NUCB1: variants seen among roughly 807,000 people sequenced by gnomAD.
NUCB1 encodes nucleobindin-1.
In NUCB1, 47 loss-of-function variants were observed where a neutral mutation model predicts 61.2. The ratio of observed to expected loss-of-function variants is 0.77; its 90% CI spans 0.61 to 0.98. The LOEUF is 0.98. Ranked by LOEUF, NUCB1 falls within the 50% of genes least tolerant of loss-of-function variation. NUCB1 has a pLI of 0.00. For missense variants in NUCB1, 583 were observed against 605.3 expected, an observed-to-expected ratio of 0.96 and a Z score of 0.39; for synonymous variants, 234 against 243.1, an observed-to-expected ratio of 0.96 and a Z score of 0.35.
intron 10 of NUCB1, among the ~76,000 whole-genome samples, chr19:48,919,785 C>T (rs2387580): frequency 0.3 from 3,281 of 11,018 alleles, 674 homozygotes; most frequent in African/African-American, 0.35. Flanking sequence ...TTTTTTTTTT[C>T]TGAAACAGGG....
chr19:48,919,140 C>G lies in NUCB1; in HGVS notation c.909+18C>G. 2 of 1,613,540 alleles carry G rather than the reference C, an allele frequency of 1.2e-6. No homozygotes were observed. Among genetic ancestry groups the G allele is most frequent in the Non-Finnish European group, 1.7e-6 (2 of 1,179,610 alleles). On this transcript the variant is annotated intron_variant, in intron 9 of 12. Coordinates refer to ENST00000405315, the MANE Select transcript of NUCB1 (RefSeq NM_006184.6). ...TGAAGAATGTGAGGTGGGGGCCAGG[C>G]GGGGGAGAGGACGGGCCCCCAGCTC...
intron 2 of NUCB1, among the ~76,000 whole-genome samples, chr19:48,901,555 G>A (rs183700783): frequency 3.8e-4 from 58 of 152,302 alleles, no homozygotes; most frequent in African/African-American, 1.3e-3. Context: ...CTTGAGGTCA[G>A]GAGTTCAAGA....
intron 7 of NUCB1, among the ~76,000 whole-genome samples, chr19:48,917,573 T>C (rs1346754257): frequency 1.3e-5 from 2 of 152,182 alleles, no homozygotes; most frequent in Admixed American, 1.3e-4. Flanking sequence ...CTTGGCACAC[T>C]GCAACCCCCG....
At chr19:48,903,718 A>G (rs372269314) in intron 2 of NUCB1, among the ~76,000 whole-genome samples, 6,145 of 86,272 alleles carry the variant, frequency 0.071, 204 homozygotes, top group South Asian at 0.12. Flanking sequence ...GGGTGGGTGG[A>G]TGGATGGATG....
intron 2 of NUCB1, among the ~76,000 whole-genome samples, chr19:48,902,109 G>T (rs1447450025): frequency 2.0e-5 from 3 of 152,140 alleles, no homozygotes; most frequent in Non-Finnish European, 4.4e-5. Context: ...CAGGGAGGAA[G>T]GGAGGCGTGA....
chr19:48,919,360 G>A, intron 10 of NUCB1, 74 bp downstream of exon 10: 1 of 1,154,668 alleles, frequency 8.7e-7, no homozygotes. Context: ...CAGAATCTTA[G>A]GCCCCTTCTC....
chr19:48,904,365 C>T lies in NUCB1; in HGVS notation c.154C>T (p.His52Tyr). 2 of 1,613,222 alleles carry T rather than the reference C, an allele frequency of 1.2e-6. No individual in the cohort carries two copies. Among genetic ancestry groups the T allele is most frequent in the Non-Finnish European group, 1.7e-6 (2 of 1,179,382 alleles). The change falls in exon 3 of 13, where the codon CAC (histidine) becomes TAC (tyrosine). Residue 52 changes from histidine to tyrosine, a missense_variant. By Grantham distance (83) the His-to-Tyr change is moderately conservative (BLOSUM62 2). Coordinates refer to ENST00000405315, the MANE Select transcript of NUCB1 (RefSeq NM_006184.6). ...TESPDTGLYY[H>Y]RYLQEVIDVL... ...GCCTCAGGACACAGGCCTGTACTAC[C>T]ACCGGTACCTCCAGGAGGTCATCGA...
At chr19:48,922,077 T>G (rs2037616215) in intron 12 of NUCB1, 145 bp downstream of exon 12, 1 of 685,428 alleles carries the variant, frequency 1.5e-6, no homozygotes, top group Non-Finnish European at 2.4e-6. Flanking sequence ...GGACTGGGGG[T>G]CCGGACTCCT....
chr19:48,913,386 T>A (rs2037501684), intron 6 of NUCB1, 88 bp from the exon 7 acceptor site: 2 of 1,297,326 alleles, frequency 1.5e-6, no homozygotes, highest in East Asian at 2.3e-5. Context: ...GGAGATGATG[T>A]TTGTTGGATG....
At position 48,922,610 on chromosome 19, in the gene NUCB1, A is replaced by G; in HGVS notation, c.*186A>G. ...ACCTGTCTCCACTTTCACAGCCTCCAAGTCTGTGGCTCTTCCCTTCTGTCC... is the reference window on the plus strand; with the variant it reads ...ACCTGTCTCCACTTTCACAGCCTCCGAGTCTGTGGCTCTTCCCTTCTGTCC... On this transcript the variant is annotated 3_prime_UTR_variant, in exon 13 of 13. Transcript: ENST00000405315. 1 of 582,834 alleles carries G rather than the reference A, an allele frequency of 1.7e-6. No individual in the cohort carries two copies. The allele number at this position is 582,834 out of a possible 1,614,324, so 36.1% of individuals were successfully genotyped here.
Position 48,921,927 on chromosome 19 carries a change from A to T in NUCB1, c.1274A>T (p.Asp425Val). Residue 425 changes from aspartate (D) to valine (V), a missense_variant, in exon 12 of 13, where the codon GAC (aspartate) becomes GTC (valine). By Grantham distance (152) the Asp-to-Val change is radical. Transcript: ENST00000405315. ...GAGGGGCAGCTCAAGTTCCACCCAG[A>T]CACAGGTGCTGGCCCTAGTCCAGGG... ...HPEGQLKFHP[D>V]TDDVPVPAPA... The T allele has an allele frequency of 1.3e-6, 2 of 1,596,376 alleles. No homozygotes were observed. Among genetic ancestry groups the T allele is most frequent in the Non-Finnish European group, 1.7e-6 (2 of 1,171,704 alleles).
At chr19:48,917,582 C>T (rs545245700) in intron 7 of NUCB1, among the ~76,000 whole-genome samples, 52 of 152,140 alleles carry the variant, frequency 3.4e-4, no homozygotes, top group Non-Finnish European at 6.0e-4. Context: ...CTGCAACCCC[C>T]GCCTCCCAGG....
At chr19:48,908,838 C>T (rs1430325846) in intron 4 of NUCB1, among the ~76,000 whole-genome samples, 2 of 151,858 alleles carry the variant, frequency 1.3e-5, no homozygotes, top group South Asian at 2.1e-4. Context: ...CATTGCACAG[C>T]GCAGGCCTGG....
At position 48,922,007 on chromosome 19, in the gene NUCB1, G is replaced by C. The variant is rs115900307; in HGVS notation, c.1279+75G>C. ...TCTGAGGTTGGAGGGGCTGGGCCTG[G>C]ACTCCCAGATCTGAGGGAAGAGGGA... is the stretch of plus-strand genomic sequence containing the variant. On this transcript the variant is annotated intron_variant, in intron 12 of 12. Transcript: ENST00000405315. 2,104 of 1,180,020 alleles carry C rather than the reference G, an allele frequency of 1.8e-3. 20 individuals are homozygous for C. In the African/African-American group the frequency reaches 0.029, roughly 16 times the overall value. 73.1% of individuals were successfully genotyped at this position (1,180,020 alleles called of 1,614,324 possible). A position where few individuals can be genotyped will look rare whatever the true frequency, so the allele number is the denominator to read the frequency against.
At chr19:48,905,925 T>TGGGGGGGGGGGACCTGGCTGGTTGGGGG in intron 4 of NUCB1, 40 bp downstream of exon 4, 1 of 625,326 alleles carries the variant, frequency 1.6e-6, no homozygotes. Context: ...CAGGGAGGGG[T>TGGGGGGGGGGGACCTGGCTGGTTGGGGG]GGGGAAGGGT....
chr19:48,902,692 G>C (rs1032649993), intron 2 of NUCB1, among the ~76,000 whole-genome samples: 2 of 152,024 alleles, frequency 1.3e-5, no homozygotes, highest in African/African-American at 4.8e-5. Flanking sequence ...TAATAGGTGT[G>C]AGCCACTGAG....
chr19:48,903,609 A>G (rs1460861524), intron 2 of NUCB1, among the ~76,000 whole-genome samples: 34 of 19,856 alleles, frequency 1.7e-3, no homozygotes, highest in East Asian at 6.9e-3. Flanking sequence ...TGGGTGGATG[A>G]GTGGATGGAT....
rs1476094668 is a variant in NUCB1 at position 48,906,504 on chromosome 19, C to T, written c.376+619C>T. Among the ~76,000 whole-genome samples, 9 of 151,926 alleles carry T rather than the reference C, an allele frequency of 5.9e-5. No homozygotes were observed. In the East Asian group the frequency reaches 1.3e-3, roughly 23 times the overall value. On this transcript the variant is annotated intron_variant, in intron 4 of 12. Transcript: ENST00000405315. ...CACTTTTTGAGGCAGGAGAATCACTCGAGCCCAGAAGTTCAAAACCAGCCT... is the reference window on the plus strand; with the variant it reads ...CACTTTTTGAGGCAGGAGAATCACTTGAGCCCAGAAGTTCAAAACCAGCCT...
intron 2 of NUCB1, among the ~76,000 whole-genome samples, chr19:48,903,155 T>C (rs944636341): frequency 6.6e-6 from 1 of 151,964 alleles, no homozygotes. Flanking sequence ...ACTTATCTTA[T>C]TTGCTTTTCA....
Sources: allele counts gnomAD v4.1 joint callset (sites outside exome capture counted in the v4.1 genomes callset), GRCh38; gene constraint gnomAD v4.1.1; transcripts MANE v1.5; gene names NCBI Gene and HGNC (gene_info 2026-07-23, HGNC 2026-07-21).